Variants in SLC25A24 observed in about 807,000 individuals in gnomAD.
SLC25A24 encodes the protein mitochondrial adenyl nucleotide antiporter SLC25A24.
In SLC25A24, 49 loss-of-function variants were observed where a neutral mutation model predicts 60.7. That is an observed-to-expected ratio of 0.81 (90% CI 0.64 to 1.02). The LOEUF is 1.02. SLC25A24 is among the 50% of genes least tolerant of loss of function. The pLI is 0.00. For synonymous variants in SLC25A24, 202 were observed against 200.6 expected (o/e 1.01, Z -0.06); for missense variants, 564 against 586.3 (o/e 0.96, Z 0.39).
chr1:108,184,248 T>C (rs557507960), intron 2 of SLC25A24, among the ~76,000 whole-genome samples: 4 of 152,344 alleles, frequency 2.6e-5, no homozygotes, highest in Admixed American at 1.3e-4. Context: ...TATCTGGCAA[T>C]TGATCTTAAG....
In SLC25A24 at chr1:108,194,380, T is replaced by C. The variant is rs1648431874; in HGVS notation, c.183+5576A>G. On this transcript the variant is annotated intron_variant, in intron 1 of 9. Coordinates refer to ENST00000565488, the MANE Select transcript of SLC25A24 (RefSeq NM_013386.5). ...GTCCACAGGGAATGGTCCTTCCCTG[T>C]GCAACACAGAAAATGTAGGTAGTGG... 2.2e-5 allele frequency among the ~76,000 whole-genome samples: 3 copies of C among 137,260 alleles called. 1 individual carries two copies. In the South Asian group the frequency reaches 8.7e-4, roughly 40 times the overall value. The allele number at this position is 137,260 out of a possible 152,430, so 90.0% of individuals were successfully genotyped here. A position where few individuals can be genotyped will look rare whatever the true frequency, so the allele number is the denominator to read the frequency against.
chr1:108,176,392 C>A (rs1025133734), intron 3 of SLC25A24, among the ~76,000 whole-genome samples: 4 of 151,840 alleles, frequency 2.6e-5, no homozygotes, highest in African/African-American at 9.7e-5. Flanking sequence ...ATCAAAAGAG[C>A]AAAGTTTTGA....
At chr1:108,165,174 C>A (rs929604695) in intron 3 of SLC25A24, among the ~76,000 whole-genome samples, 1 of 151,854 alleles carries the variant, frequency 6.6e-6, no homozygotes, top group Non-Finnish European at 1.5e-5. Flanking sequence ...GCTATAATTT[C>A]TGTTCTTTTA....
At chr1:108,196,743 G>C (rs1056903178) in intron 1 of SLC25A24, among the ~76,000 whole-genome samples, 2 of 152,150 alleles carry the variant, frequency 1.3e-5, no homozygotes, top group Non-Finnish European at 2.9e-5. Flanking sequence ...ATGGTGGAAG[G>C]GGCAAGGAAG....
At chr1:108,165,571 C>A (rs1467979323) in intron 3 of SLC25A24, among the ~76,000 whole-genome samples, 1 of 152,076 alleles carries the variant, frequency 6.6e-6, no homozygotes, top group Non-Finnish European at 1.5e-5. Context: ...CTCTTCTGAT[C>A]TTTGTTGGTT....
chr1:108,145,080 T>C (rs1288676966), intron 7 of SLC25A24, among the ~76,000 whole-genome samples: 2 of 152,176 alleles, frequency 1.3e-5, no homozygotes, highest in South Asian at 2.1e-4. Context: ...CTCCACATAT[T>C]TGCCAGCATC....
At position 108,200,251 on chromosome 1, in the gene SLC25A24, G is replaced by A; in HGVS notation, c.-113C>T. ...TGGGCGGGGCGCGCGGCGCAACAGCGTTTGGGGCGCCGTCGGGGTTGCGGC... is the reference window on the plus strand; with the variant it reads ...TGGGCGGGGCGCGCGGCGCAACAGCATTTGGGGCGCCGTCGGGGTTGCGGC... On this transcript the variant is annotated 5_prime_UTR_variant, in exon 1 of 10. The change creates a new upstream start codon in the 5' untranslated region. Transcript: ENST00000565488. 9.5e-7 allele frequency: 1 copy of A among 1,057,390 alleles called. No individual in the cohort carries two copies. Among genetic ancestry groups the A allele is most frequent in the Non-Finnish European group, 1.2e-6 (1 of 806,472 alleles). The allele number at this position is 1,057,390 out of a possible 1,614,324, so 65.5% of individuals were successfully genotyped here.
chr1:108,151,849 T>A (rs771837490), intron 6 of SLC25A24, among the ~76,000 whole-genome samples: 12 of 152,222 alleles, frequency 7.9e-5, no homozygotes, highest in Non-Finnish European at 1.6e-4. Context: ...ATGCAGTCAC[T>A]CAAGTTAGAA....
intron 1 of SLC25A24, among the ~76,000 whole-genome samples, chr1:108,188,684 A>T (rs1410146988): frequency 1.3e-5 from 2 of 152,224 alleles, no homozygotes; most frequent in African/African-American, 4.8e-5. Context: ...TTGCAAGGTG[A>T]CCCACAAGAA....
At chr1:108,166,481 C>G (rs560312961) in intron 3 of SLC25A24, among the ~76,000 whole-genome samples, 28 of 152,276 alleles carry the variant, frequency 1.8e-4, no homozygotes, top group Non-Finnish European at 3.4e-4. Flanking sequence ...TTCTTGGAGG[C>G]TTTGCTCGTT....
In SLC25A24 at chr1:108,143,627, T is replaced by G; in HGVS notation, c.1014A>C (p.Glu338Asp). The G allele has an allele frequency of 6.2e-7, 1 of 1,613,782 alleles. No homozygotes were observed. Among genetic ancestry groups the G allele is most frequent in the South Asian group, 1.1e-5 (1 of 91,064 alleles). Residue 338 changes from glutamate (E) to aspartate (D), a missense_variant, in exon 8 of 10, where the codon GAA becomes GAC. Physicochemically the swap from Glu to Asp is conservative, Grantham distance 45. Coordinates refer to ENST00000565488, the MANE Select transcript of SLC25A24 (RefSeq NM_013386.5). Reference sequence around the variant, plus strand: ...AGCCTTTGTAAAAAGCTCCCAAGCCTTCATGTTTCAAAATCTTCTTGGCAC... The same window carrying G: ...AGCCTTTGTAAAAAGCTCCCAAGCCGTCATGTTTCAAAATCTTCTTGGCAC... Reference protein sequence around the residue: ...YDCAKKILKHEGLGAFYKGYV... With the variant: ...YDCAKKILKHDGLGAFYKGYV...
rs556509687 is a variant in SLC25A24, at chr1:108,149,796, A to G, written c.823-1410T>C. 1.8e-4 allele frequency among the ~76,000 whole-genome samples: 28 copies of G among 152,298 alleles called. No homozygotes were observed. In the South Asian group the frequency reaches 2.3e-3, roughly 12 times the overall value. ...ACTTCTCCAGGGATCCTTCCCCTAC[A>G]TGATCCATCCCCACAGTGATGCCCA... On this transcript the variant is annotated intron_variant, in intron 6 of 9. Transcript: ENST00000565488.
At position 108,143,728 on chromosome 1, in the gene SLC25A24, C is replaced by A. The variant is rs1558007810; in HGVS notation, c.931-18G>T. The A allele has an allele frequency of 8.2e-6, 13 of 1,582,622 alleles. No individual in the cohort carries two copies. Among genetic ancestry groups the A allele is most frequent in the East Asian group, 6.7e-5 (3 of 44,688 alleles). ...TTCATAACCTGGATATAAAAAAAAA[C>A]AAAATATGATTGTTCATATTAACTC... On this transcript the variant is annotated intron_variant, in intron 7 of 9. Transcript: ENST00000565488.
At chr1:108,179,199 A>T (rs2101635245) in intron 3 of SLC25A24, among the ~76,000 whole-genome samples, 1 of 152,142 alleles carries the variant, frequency 6.6e-6, no homozygotes, top group East Asian at 1.9e-4. Flanking sequence ...ATCACCTCAT[A>T]CTACACTTAG....
At chr1:108,187,922 T>TTTTATATATATATA (rs1553256761) in intron 1 of SLC25A24, among the ~76,000 whole-genome samples, 1 of 51,044 alleles carries the variant, frequency 2.0e-5, no homozygotes, top group Non-Finnish European at 3.9e-5. Flanking sequence ...GGATAAGACA[T>TTTTATATATATATA]TATAGATATA....
intron 1 of SLC25A24, chr1:108,192,712 C>G: frequency 1.4e-6 from 2 of 1,432,216 alleles, no homozygotes; most frequent in Non-Finnish European, 9.2e-7. Context: ...CCACCACACA[C>G]GTCCAGTGGG....
At position 108,188,184 on chromosome 1, in the gene SLC25A24, C is replaced by A. The variant is rs79177647; in HGVS notation, c.184-2230G>T. On this transcript the variant is annotated intron_variant, in intron 1 of 9. Transcript: ENST00000565488. ...ACATGGGAGCAAAACATGGGGTGCA[C>A]ACGGATATAAAGATGGGAAAAGCAG... Among the ~76,000 whole-genome samples, 4 of 151,786 alleles carry A rather than the reference C, an allele frequency of 2.6e-5. No homozygotes were observed. In the East Asian group the frequency reaches 7.8e-4, roughly 30 times the overall value.
chr1:108,146,643 C>T (rs987197728), intron 7 of SLC25A24, among the ~76,000 whole-genome samples: 7 of 152,114 alleles, frequency 4.6e-5, no homozygotes, highest in South Asian at 2.1e-4. Flanking sequence ...TGAATTTTAT[C>T]GAAGGCCTTT....
At chr1:108,150,604 C>T (rs1679730697) in intron 6 of SLC25A24, among the ~76,000 whole-genome samples, 1 of 152,182 alleles carries the variant, frequency 6.6e-6, no homozygotes, top group Non-Finnish European at 1.5e-5. Context: ...AGAGAGGCCA[C>T]CAGGCAGAAT....
Sources: gnomAD v4.1 joint callset for allele counts (sites outside exome capture counted in the v4.1 genomes callset) on GRCh38, gnomAD v4.1.1 for gene constraint, MANE v1.5 for transcripts, NCBI Gene and HGNC (gene_info 2026-07-23, HGNC 2026-07-21) for gene names.